GPC5: variants seen among roughly 807,000 people sequenced by gnomAD.
The protein encoded by GPC5 is glypican-5.
In GPC5, 47 loss-of-function variants were observed where a neutral mutation model predicts 53.9. The ratio of observed to expected loss-of-function variants is 0.87; its 90% confidence interval spans 0.69 to 1.11. The LOEUF (loss-of-function observed/expected upper bound fraction) is 1.11, where lower values mean the gene tolerates loss of function less well. Ranked by LOEUF, GPC5 falls within the 50% of genes most tolerant of loss-of-function variation. The pLI, the probability that GPC5 is intolerant of heterozygous loss-of-function variation, is 0.00. For missense variants in GPC5, 748 were observed against 713.1 expected, an observed-to-expected ratio of 1.05 and a Z score of -0.56; for synonymous variants, 286 against 263.3, an observed-to-expected ratio of 1.09 and a Z score of -0.84.
chr13:92,338,990 G>A (rs181800790), intron 7 of GPC5, among the ~76,000 whole-genome samples: 17 of 151,958 alleles, frequency 1.1e-4, no homozygotes, highest in African/African-American at 3.9e-4. Context: ...GAAGGCAGGA[G>A]GTATGTGGGA....
At chr13:92,774,001 C>T (rs868381210) in intron 7 of GPC5, among the ~76,000 whole-genome samples, 7 of 152,182 alleles carry the variant, frequency 4.6e-5, no homozygotes, top group Non-Finnish European at 7.3e-5. Flanking sequence ...ACCATCAGAT[C>T]TCATGAGACT....
chr13:92,858,267 T>C (rs1594554456), intron 7 of GPC5, among the ~76,000 whole-genome samples: 1 of 152,152 alleles, frequency 6.6e-6, no homozygotes, highest in Non-Finnish European at 1.5e-5. Context: ...TCTCATGAGA[T>C]CTGATGGTTT....
chr13:92,001,324 T>G (rs892683913), intron 6 of GPC5, among the ~76,000 whole-genome samples: 2 of 152,236 alleles, frequency 1.3e-5, no homozygotes, highest in Non-Finnish European at 2.9e-5. Flanking sequence ...ATGTAAATTT[T>G]ATTATGTTTT....
intron 7 of GPC5, among the ~76,000 whole-genome samples, chr13:92,147,803 T>G (rs2041879129): frequency 6.6e-6 from 1 of 152,044 alleles, no homozygotes; most frequent in Non-Finnish European, 1.5e-5. Context: ...AATAAGTGGT[T>G]AGAAAACCAC....
At chr13:92,565,090 A>G (rs554446376) in intron 7 of GPC5, among the ~76,000 whole-genome samples, 10 of 152,214 alleles carry the variant, frequency 6.6e-5, no homozygotes, top group African/African-American at 2.4e-4. Context: ...TTTAAGACTC[A>G]TAAGCCATTC....
At chr13:92,805,594 G>C (rs1437907158) in intron 7 of GPC5, among the ~76,000 whole-genome samples, 1 of 151,870 alleles carries the variant, frequency 6.6e-6, no homozygotes, top group Non-Finnish European at 1.5e-5. Context: ...ACACCACCAT[G>C]CCTGACTAAA....
At chr13:91,764,770 C>A (rs1297021087) in intron 5 of GPC5, among the ~76,000 whole-genome samples, 1 of 152,128 alleles carries the variant, frequency 6.6e-6, no homozygotes, top group Non-Finnish European at 1.5e-5. Flanking sequence ...CTCCCCTGTG[C>A]TTGTAGTTGG....
At chr13:92,493,115 A>AT (rs1372430323) in intron 7 of GPC5, among the ~76,000 whole-genome samples, 1 of 152,140 alleles carries the variant, frequency 6.6e-6, no homozygotes, top group African/African-American at 2.4e-5. Context: ...TCATGACATT[A>AT]TTTTTTAATG....
At chr13:92,169,273 C>T (rs1460617114) in intron 7 of GPC5, among the ~76,000 whole-genome samples, 2 of 152,186 alleles carry the variant, frequency 1.3e-5, no homozygotes, top group African/African-American at 4.8e-5. Flanking sequence ...TGCAGCAAAC[C>T]ACCATGGCAC....
chr13:92,266,706 G>A (rs1260952396), intron 7 of GPC5, among the ~76,000 whole-genome samples: 1 of 152,122 alleles, frequency 6.6e-6, no homozygotes, highest in Non-Finnish European at 1.5e-5. Flanking sequence ...CACTAACTTA[G>A]CATCTTAAGT....
In GPC5 at chr13:92,527,229, GAAAGAAAGAAAGAAAGAAAGAGAAAGAA is replaced by G. The variant is rs1396807648; in HGVS notation, c.1562-339051_1562-339024del. Among the ~76,000 whole-genome samples, 65 of 37,978 alleles carry G rather than the reference GAAAGAAAGAAAGAAAGAAAGAGAAAGAA, an allele frequency of 1.7e-3. 2 individuals are homozygous for G. Among genetic ancestry groups the G allele is most frequent in the African/African-American group, 7.4e-3 (45 of 6,120 alleles). The allele number at this position is 37,978 out of a possible 152,430, so 24.9% of individuals were successfully genotyped here. On this transcript the variant is annotated intron_variant, in intron 7 of 7. Transcript: ENST00000377067. ...AGAAAGAAAGAAAGAAAGAAAGAAA[GAAAGAAAGAAAGAAAGAAAGAGAAAGAA>G]AGAAAGAAAGAAAGAAAGAAAGAAA...
chr13:92,104,172 C>T (rs2041489268), intron 6 of GPC5, among the ~76,000 whole-genome samples: 3 of 152,058 alleles, frequency 2.0e-5, no homozygotes, highest in Admixed American at 2.0e-4. Flanking sequence ...TTGGGAGGCT[C>T]CAAACCCATT....
intron 7 of GPC5, among the ~76,000 whole-genome samples, chr13:92,236,447 G>A (rs1196814718): frequency 6.6e-6 from 1 of 152,026 alleles, no homozygotes; most frequent in East Asian, 1.9e-4. Flanking sequence ...TATGAAGAGG[G>A]TGGTATAGAT....
At chr13:91,625,225 AAAATC>A (rs1326370264) in intron 2 of GPC5, among the ~76,000 whole-genome samples, 5 of 151,966 alleles carry the variant, frequency 3.3e-5, no homozygotes, top group African/African-American at 1.2e-4. Context: ...ATAAAAAAAA[AAAATC>A]AATAACACTC....
chr13:91,807,485 G>A (rs561388770), intron 5 of GPC5, among the ~76,000 whole-genome samples: 1 of 152,170 alleles, frequency 6.6e-6, no homozygotes, highest in South Asian at 2.1e-4. Flanking sequence ...AGTTAATAAG[G>A]CAACATTGTC....
chr13:92,356,656 A>G (rs1383893588), intron 7 of GPC5, among the ~76,000 whole-genome samples: 1 of 152,148 alleles, frequency 6.6e-6, no homozygotes, highest in Non-Finnish European at 1.5e-5. Flanking sequence ...AATTAGAAGG[A>G]GGGAAATGTC....
rs199632054 is a variant in GPC5, at chr13:91,891,256, A to ATT, written c.1281-16679_1281-16678dup. ...TACATTGATCACATAAGAATCTCAT[A>ATT]TTTAAAAACCTCTTGAGCCTAGGAA... On this transcript the variant is annotated intron_variant, in intron 5 of 7. Transcript: ENST00000377067. Among the ~76,000 whole-genome samples, 33 of 152,296 alleles carry ATT rather than the reference A, an allele frequency of 2.2e-4. No homozygotes were observed. The East Asian group carries it at 6.2e-3, about 28-fold the overall frequency.
chr13:92,683,570 A>G (rs541379746), intron 7 of GPC5, among the ~76,000 whole-genome samples: 1 of 152,318 alleles, frequency 6.6e-6, no homozygotes, highest in African/African-American at 2.4e-5. Context: ...TTATTTCAAT[A>G]AAGTGTTATA....
intron 6 of GPC5, among the ~76,000 whole-genome samples, chr13:91,972,008 T>A (rs1387748020): frequency 6.6e-6 from 1 of 152,192 alleles, no homozygotes; most frequent in African/African-American, 2.4e-5. Context: ...TGAGTTCAGT[T>A]CCTGGATATC....
Sources: allele counts gnomAD v4.1 joint callset (sites outside exome capture counted in the v4.1 genomes callset), GRCh38; gene constraint gnomAD v4.1.1; transcripts MANE v1.5; gene names NCBI Gene and HGNC (gene_info 2026-07-23, HGNC 2026-07-21).